The following SOBP variants were observed in gnomAD, a reference collection of about 807,000 sequenced individuals.
SOBP encodes the protein sine oculis binding protein homolog.
A neutral mutation model predicts 53.6 loss-of-function variants in SOBP; 4 were observed. The observed-to-expected ratio is 0.07, with a 90% CI of 0.04 to 0.17. The LOEUF (loss-of-function observed/expected upper bound fraction) is 0.17. Ranked by LOEUF, SOBP falls within the 10% of genes least tolerant of loss-of-function variation. The pLI is 1.00. For synonymous variants in SOBP, 584 were observed against 522.6 expected, an observed-to-expected ratio of 1.12 and a Z score of -1.60; for missense variants, 1,088 against 1,204.7, an observed-to-expected ratio of 0.90 and a Z score of 1.43.
chr6:107,621,185 T>G, intron 5 of SOBP: 1 of 703,050 alleles, frequency 1.4e-6, no homozygotes, highest in East Asian at 1.3e-4. Flanking sequence ...TGTTTAAATA[T>G]ATATGAATAC....
intron 6 of SOBP, among the ~76,000 whole-genome samples, chr6:107,648,085 A>T (rs1771637146): frequency 6.6e-6 from 1 of 152,076 alleles, no homozygotes; most frequent in Non-Finnish European, 1.5e-5. Context: ...GCTTTCCCAG[A>T]CCTCATCTAA....
At chr6:107,632,065 G>T (rs1583291559) in intron 5 of SOBP, among the ~76,000 whole-genome samples, 1 of 152,150 alleles carries the variant, frequency 6.6e-6, no homozygotes, top group Non-Finnish European at 1.5e-5. Flanking sequence ...TGTTGTTTTT[G>T]CATTGTTTAT....
At chr6:107,590,209 A>G (rs1562636819) in intron 5 of SOBP, among the ~76,000 whole-genome samples, 1 of 152,206 alleles carries the variant, frequency 6.6e-6, no homozygotes, top group Non-Finnish European at 1.5e-5. Flanking sequence ...AATTTTTGAA[A>G]GCCCACTGAG....
intron 3 of SOBP, among the ~76,000 whole-genome samples, chr6:107,529,210 A>AT (rs1783750712): frequency 6.6e-6 from 1 of 152,190 alleles, no homozygotes; most frequent in Non-Finnish European, 1.5e-5. Context: ...TCAAAAAGGA[A>AT]TTTCTTTTTT....
At chr6:107,579,226 C>T (rs1378427231) in intron 4 of SOBP, among the ~76,000 whole-genome samples, 2 of 152,026 alleles carry the variant, frequency 1.3e-5, no homozygotes, top group Admixed American at 6.6e-5. Context: ...ATTAAGCTTC[C>T]GGAATAATCA....
At chr6:107,631,279 A>AT (rs1339359667) in intron 5 of SOBP, among the ~76,000 whole-genome samples, 1 of 151,988 alleles carries the variant, frequency 6.6e-6, no homozygotes, top group Non-Finnish European at 1.5e-5. Context: ...TTCATTGATA[A>AT]TTTTTTTTAG....
chr6:107,623,178 G>A (rs1397975510), intron 5 of SOBP, among the ~76,000 whole-genome samples: 1 of 152,194 alleles, frequency 6.6e-6, no homozygotes, highest in Admixed American at 6.5e-5. Context: ...GATTTGGTCC[G>A]ACAATCAGAG....
intron 4 of SOBP, among the ~76,000 whole-genome samples, chr6:107,539,017 G>A (rs1008191246): frequency 1.1e-4 from 16 of 152,276 alleles, no homozygotes; most frequent in Middle Eastern, 6.8e-3. Context: ...TGCAGACAGG[G>A]TGGGACATAG....
chr6:107,553,822 G>C (rs1040864643), intron 4 of SOBP, among the ~76,000 whole-genome samples: 3 of 152,038 alleles, frequency 2.0e-5, no homozygotes, highest in South Asian at 2.1e-4. Context: ...AGGTTTTGCT[G>C]TGTTGGCCAG....
intron 4 of SOBP, among the ~76,000 whole-genome samples, chr6:107,575,971 G>A (rs903501714): frequency 3.3e-5 from 5 of 152,156 alleles, no homozygotes; most frequent in African/African-American, 1.2e-4. Context: ...AGAGAGTGTC[G>A]TTGGAGCAGA....
intron 6 of SOBP, among the ~76,000 whole-genome samples, chr6:107,640,892 G>A (rs2115162354): frequency 6.6e-6 from 1 of 152,284 alleles, no homozygotes. Context: ...TGCAGCACTG[G>A]TCCTGGCTCT....
At chr6:107,538,773 A>G (rs1297744084) in intron 4 of SOBP, among the ~76,000 whole-genome samples, 1 of 152,188 alleles carries the variant, frequency 6.6e-6, no homozygotes, top group Non-Finnish European at 1.5e-5. Flanking sequence ...AACAAACCCA[A>G]GTGTTTCTTA....
chr6:107,513,902 A>G (rs1169336636), intron 3 of SOBP: 1 of 152,606 alleles, frequency 6.6e-6, no homozygotes. Flanking sequence ...TAGTAGATTT[A>G]TATCATTTAA....
intron 4 of SOBP, among the ~76,000 whole-genome samples, chr6:107,549,351 A>G (rs993766546): frequency 2.6e-5 from 4 of 152,102 alleles, no homozygotes; most frequent in Admixed American, 2.0e-4. Flanking sequence ...CCCAAGCCCT[A>G]TACTGGGGTG....
chr6:107,636,487 G>A (rs1031530075), intron 6 of SOBP, among the ~76,000 whole-genome samples: 5 of 152,224 alleles, frequency 3.3e-5, no homozygotes, highest in Non-Finnish European at 5.9e-5. Context: ...TACTGTGCCC[G>A]AAGCAGAGCT....
At chr6:107,548,348 G>T (rs1413268399) in intron 4 of SOBP, among the ~76,000 whole-genome samples, 4 of 151,296 alleles carry the variant, frequency 2.6e-5, no homozygotes, top group Non-Finnish European at 2.9e-5. Context: ...CCACCTCCTG[G>T]GTTCCTGCCT....
At chr6:107,508,905 A>T (rs1277017430) in intron 3 of SOBP, among the ~76,000 whole-genome samples, 1 of 152,222 alleles carries the variant, frequency 6.6e-6, no homozygotes, top group African/African-American at 2.4e-5. Context: ...TGATGAAGGT[A>T]TCAGTAAGGT....
At chr6:107,530,590 T>A (rs1214092873) in intron 3 of SOBP, among the ~76,000 whole-genome samples, 4 of 152,042 alleles carry the variant, frequency 2.6e-5, no homozygotes, top group Admixed American at 1.3e-4. Context: ...CGGAAAATGT[T>A]TTTTAAATTT....
At chr6:107,512,314 C>T (rs1783193243) in intron 3 of SOBP, among the ~76,000 whole-genome samples, 1 of 152,190 alleles carries the variant, frequency 6.6e-6, no homozygotes, top group Non-Finnish European at 1.5e-5. Flanking sequence ...AGCATGGGTT[C>T]AACCCTTTGA....
Sources: allele counts gnomAD v4.1 joint callset (sites outside exome capture counted in the v4.1 genomes callset), GRCh38; gene constraint gnomAD v4.1.1; transcripts MANE v1.5; gene names NCBI Gene and HGNC (gene_info 2026-07-23, HGNC 2026-07-21).